The following SLC5A5 variants were observed in gnomAD, a reference collection of about 807,000 sequenced individuals.
SLC5A5 encodes solute carrier family 5 member 5.
In SLC5A5, 56 loss-of-function variants were observed where a neutral mutation model predicts 68.6. The observed-to-expected ratio is 0.82, with a 90% CI of 0.66 to 1.02. The LOEUF is 1.02. Among genes scored for constraint, SLC5A5 ranks in the 50% least tolerant of loss-of-function variants. SLC5A5 has a pLI of 0.00. For synonymous variants in SLC5A5, 398 were observed against 373.0 expected, an observed-to-expected ratio of 1.07 and a Z score of -0.77; for missense variants, 807 against 859.8, an observed-to-expected ratio of 0.94 and a Z score of 0.77.
intron 13 of SLC5A5, among the ~76,000 whole-genome samples, 178 bp downstream of exon 13, chr19:17,888,633 A>G (rs1568425827): frequency 1.3e-5 from 2 of 150,848 alleles, no homozygotes; most frequent in African/African-American, 4.9e-5. Flanking sequence ...CATCATCATC[A>G]TCATCATCAT....
rs2030291967 is a variant in SLC5A5, at chr19:17,893,758, C to G, written c.1813C>G (p.Leu605Val). Residue 605 changes from leucine (L) to valine (V), a missense_variant, in exon 15 of 15, where the codon CTG becomes GTG. Leu to Val is a conservative substitution (Grantham distance 32, BLOSUM62 1). Transcript: ENST00000222248. Reference sequence around the variant, plus strand: ...TGGAAACAAGAAGCCCCCTGGCTTCCTGCCCACCAATGAGGATCGTCTGTT... The same window carrying G: ...TGGAAACAAGAAGCCCCCTGGCTTCGTGCCCACCAATGAGGATCGTCTGTT... ...PTGNKKPPGFLPTNEDRLFFL... is the reference protein window; with the variant it reads ...PTGNKKPPGFVPTNEDRLFFL... 4.3e-6 allele frequency: 7 copies of G among 1,613,854 alleles called. No individual in the cohort carries two copies. The highest frequency in any genetic ancestry group is 1.3e-5 in the African/African-American group (1 of 74,912).
At chr19:17,878,233 C>T (rs766142652) in intron 7 of SLC5A5, 140 bp downstream of exon 7, 53 of 1,036,072 alleles carry the variant, frequency 5.1e-5, no homozygotes, top group African/African-American at 7.9e-5. Context: ...AGGCCAGGTG[C>T]GGCGGCTCAT....
At chr19:17,883,114 C>A (rs1437946479) in intron 10 of SLC5A5, among the ~76,000 whole-genome samples, 3 of 152,092 alleles carry the variant, frequency 2.0e-5, no homozygotes, top group Admixed American at 2.0e-4. Flanking sequence ...GCCACCACGC[C>A]TGGCCTGGCT....
chr19:17,881,052 G>A (rs752928867), intron 8 of SLC5A5, 99 bp downstream of exon 8: 4 of 888,950 alleles, frequency 4.5e-6, no homozygotes, highest in Non-Finnish European at 3.8e-6. Flanking sequence ...TTCTGGACCT[G>A]TCCATCAGTC....
At chr19:17,880,596 T>C (rs2094318410) in intron 7 of SLC5A5, among the ~76,000 whole-genome samples, 1 of 152,170 alleles carries the variant, frequency 6.6e-6, no homozygotes. Context: ...ACTGGGGGAC[T>C]GAAGCAGGAA....
intron 7 of SLC5A5, 112 bp from the exon 8 acceptor site, chr19:17,880,753 G>A (rs1336165151): frequency 8.8e-6 from 7 of 793,298 alleles, no homozygotes; most frequent in East Asian, 4.9e-5. Context: ...ATTAAATGCC[G>A]ACTCTGAGCC....
At chr19:17,887,634 G>A (rs1309532852) in intron 12 of SLC5A5, among the ~76,000 whole-genome samples, 1 of 136,002 alleles carries the variant, frequency 7.4e-6, no homozygotes, top group Admixed American at 8.0e-5. Context: ...GTCTCGCTCT[G>A]TTGCCCAGGC....
In SLC5A5 at chr19:17,872,683, G is replaced by A; in HGVS notation, c.357+7G>A. 6.5e-7 allele frequency: 1 copy of A among 1,538,906 alleles called. No homozygotes were observed. Among genetic ancestry groups the A allele is most frequent in the Admixed American group, 1.7e-5 (1 of 59,942 alleles). On this transcript the variant is annotated splice_region_variant and intron_variant, in intron 1 of 14. Transcript: ENST00000222248. ...CCTCACCAGCACCTACGAGGTACCG[G>A]ACAGAGGCCCGGGGGTAGGACCTGC...
intron 10 of SLC5A5, 97 bp downstream of exon 10, chr19:17,882,316 C>T (rs2094322534): frequency 3.2e-6 from 3 of 942,228 alleles, no homozygotes; most frequent in South Asian, 1.3e-5. Context: ...TCACATGTGT[C>T]AGTGGCAGAA....
In SLC5A5 at chr19:17,877,604, G is replaced by C. The variant is rs2094310410; in HGVS notation, c.699-119G>C. 8 of 1,310,112 alleles carry C rather than the reference G, an allele frequency of 6.1e-6. No individual in the cohort carries two copies. In the Middle Eastern group the frequency reaches 1.3e-3, roughly 210 times the overall value. 81.2% of individuals were successfully genotyped at this position (1,310,112 alleles called of 1,614,324 possible). On this transcript the variant is annotated intron_variant, in intron 5 of 14. Coordinates refer to ENST00000222248, the MANE Select transcript of SLC5A5 (RefSeq NM_000453.3). ...ATTACAGGCATGAGCCACTGCGCCT[G>C]GCCAACAAAACCCACTCCAAATGTC... is the stretch of plus-strand genomic sequence containing the variant.
At chr19:17,888,047 TGAGGGTGACAGGGAGCCACA>T (rs1227945951) in intron 12 of SLC5A5, among the ~76,000 whole-genome samples, 1 of 152,160 alleles carries the variant, frequency 6.6e-6, no homozygotes, top group Non-Finnish European at 1.5e-5. Flanking sequence ...GGTTTGATTT[TGAGGGTGACAGGGAGCCACA>T]GAGGGTGACG....
At position 17,872,455 on chromosome 19, in the gene SLC5A5, G is replaced by T. The variant is rs758224420; in HGVS notation, c.136G>T (p.Asp46Tyr). The T allele has an allele frequency of 6.2e-7, 1 of 1,611,102 alleles. No individual in the cohort carries two copies. The highest frequency in any genetic ancestry group is 1.7e-5 in the Admixed American group (1 of 59,826). The change falls in exon 1 of 15, where the codon GAC becomes TAC. Residue 46 changes from aspartate to tyrosine, a missense_variant. Physicochemically the swap from Asp to Tyr is radical, Grantham distance 160. Transcript: ENST00000222248. ...TCGGGGCGGGCAGCGCAGCGCTGAG[G>T]ACTTCTTCACCGGGGGCCGGCGCCT... ...LARGGQRSAE[D>Y]FFTGGRRLAA... is the part of the protein sequence containing the mutation.
chr19:17,889,781 G>T (rs1671704271), intron 13 of SLC5A5, among the ~76,000 whole-genome samples: 1 of 152,346 alleles, frequency 6.6e-6, no homozygotes, highest in South Asian at 2.1e-4. Flanking sequence ...GAGGATATGG[G>T]TTGGGGCGGG....
chr19:17,872,251 C>G lies in SLC5A5; in HGVS notation c.-69C>G. ...GCCCTCCCCGTCCTGCCTCCTCGGC[C>G]CCTGCCAGCTTCCCCCGCTTGAGCA... is the stretch of plus-strand genomic sequence containing the variant. On this transcript the variant is annotated 5_prime_UTR_variant, in exon 1 of 15. Coordinates refer to ENST00000222248, the MANE Select transcript of SLC5A5 (RefSeq NM_000453.3). 2.1e-6 allele frequency: 2 copies of G among 971,180 alleles called. No individual in the cohort carries two copies. The highest frequency in any genetic ancestry group is 3.1e-6 in the Non-Finnish European group (2 of 639,928). 60.2% of individuals were successfully genotyped at this position (971,180 alleles called of 1,614,324 possible). A position where few individuals can be genotyped will look rare whatever the true frequency, so the allele number is the denominator to read the frequency against.
chr19:17,877,009 C>T (rs1437515580), intron 5 of SLC5A5, among the ~76,000 whole-genome samples: 2 of 151,442 alleles, frequency 1.3e-5, no homozygotes, highest in Non-Finnish European at 2.9e-5. Flanking sequence ...CCAGCCTGGG[C>T]AACAAGAGCG....
chr19:17,874,211 G>A lies in SLC5A5; in HGVS notation c.423+8G>A, dbSNP rs2094301060. 3 of 1,600,618 alleles carry A rather than the reference G, an allele frequency of 1.9e-6. No homozygotes were observed. Among genetic ancestry groups the A allele is most frequent in the Admixed American group, 3.3e-5 (2 of 59,970 alleles). On this transcript the variant is annotated splice_region_variant and intron_variant, in intron 2 of 14. Transcript: ENST00000222248. ...CAGTACATTGTAGCCACGGTGAGTGGCCTCGGCCCCGCCCTCCGCTCAGGG... is the reference window on the plus strand; with the variant it reads ...CAGTACATTGTAGCCACGGTGAGTGACCTCGGCCCCGCCCTCCGCTCAGGG...
At chr19:17,891,240 C>T (rs1429294282) in intron 14 of SLC5A5, among the ~76,000 whole-genome samples, 5 of 152,120 alleles carry the variant, frequency 3.3e-5, no homozygotes, top group Non-Finnish European at 5.9e-5. Flanking sequence ...GAGTCTCGCT[C>T]TGTTGCCCAG....
At position 17,876,004 on chromosome 19, in the gene SLC5A5, T is replaced by C. The variant is rs771761201; in HGVS notation, c.596T>C (p.Leu199Pro). ...WTDVFQVVVM[L>P]SGFWVVLARG... ...GATGTGTTCCAGGTCGTGGTGATGCTAAGTGGCTTCTGGGTTGTCCTGGCA... is the reference window on the plus strand; with the variant it reads ...GATGTGTTCCAGGTCGTGGTGATGCCAAGTGGCTTCTGGGTTGTCCTGGCA... The change falls in exon 5 of 15, where the codon CTA (leucine) becomes CCA (proline). Residue 199 changes from leucine to proline, a missense_variant. Transcript: ENST00000222248. The C allele has an allele frequency of 6.2e-7, 1 of 1,614,172 alleles. No individual in the cohort carries two copies. Among genetic ancestry groups the C allele is most frequent in the South Asian group, 1.1e-5 (1 of 91,084 alleles).
intron 1 of SLC5A5, among the ~76,000 whole-genome samples, chr19:17,873,736 A>G (rs2147727768): frequency 6.6e-6 from 1 of 152,330 alleles, no homozygotes; most frequent in East Asian, 1.9e-4. Flanking sequence ...AGCCTGGGCG[A>G]CAGAGCGAGA....
Sources: allele counts gnomAD v4.1 joint callset (sites outside exome capture counted in the v4.1 genomes callset), GRCh38; gene constraint gnomAD v4.1.1; transcripts MANE v1.5; gene names NCBI Gene and HGNC (gene_info 2026-07-23, HGNC 2026-07-21).